ROBO2: variants seen among roughly 807,000 people sequenced by gnomAD.
ROBO2 encodes roundabout guidance receptor 2.
A neutral mutation model predicts 160.8 loss-of-function variants in ROBO2; 53 were observed. That is an observed-to-expected ratio of 0.33 (90% confidence interval 0.26 to 0.41). The LOEUF (loss-of-function observed/expected upper bound fraction) is 0.41. Ranked by LOEUF, ROBO2 falls within the 10% of genes least tolerant of loss-of-function variation. The pLI, the probability that ROBO2 is intolerant of heterozygous loss-of-function variation, is 1.00. For synonymous variants in ROBO2, 664 were observed against 611.7 expected, an observed-to-expected ratio of 1.09 and a Z score of -1.26; for missense variants, 1,577 against 1,722.4, an observed-to-expected ratio of 0.92 and a Z score of 1.49.
intron 23 of ROBO2, among the ~76,000 whole-genome samples, chr3:77,628,455 G>T (rs867982837): frequency 2.1e-5 from 3 of 144,112 alleles, no homozygotes; most frequent in Non-Finnish European, 3.1e-5. Flanking sequence ...TGTGGGGGGG[G>T]GGTAATTGTT....
chr3:76,073,332 C>T (rs1296031421), intron 2 of ROBO2, among the ~76,000 whole-genome samples: 17 of 105,620 alleles, frequency 1.6e-4, no homozygotes, highest in Non-Finnish European at 2.4e-4. Context: ...CTCGCTCTGT[C>T]ACCCAGGCTG....
intron 2 of ROBO2, among the ~76,000 whole-genome samples, chr3:77,027,879 A>G (rs1444938680): frequency 6.6e-6 from 1 of 152,176 alleles, no homozygotes; most frequent in African/African-American, 2.4e-5. Flanking sequence ...CATACAAGAC[A>G]AAAGTGAAGC....
chr3:77,223,049 A>G lies in ROBO2; in HGVS notation c.388+124709A>G, dbSNP rs58489954. Among the ~76,000 whole-genome samples, 1,100 of 152,294 alleles carry G rather than the reference A, an allele frequency of 7.2e-3. 13 individuals are homozygous for G. Among genetic ancestry groups the G allele is most frequent in the African/African-American group, 0.024 (1,008 of 41,554 alleles). The stretch of plus-strand genomic sequence containing the variant: ...ATGAGTTTCAAGATCACTGAGGTGT[A>G]CAGTATTCCGAAGCCTTCACTTTCC... On this transcript the variant is annotated intron_variant, in intron 2 of 25. Coordinates refer to ENST00000461745, the Ensembl canonical transcript of ROBO2.
intron 2 of ROBO2, among the ~76,000 whole-genome samples, chr3:77,149,624 A>G (rs1211392482): frequency 6.6e-6 from 1 of 152,178 alleles, no homozygotes; most frequent in African/African-American, 2.4e-5. Flanking sequence ...CATCACTCTC[A>G]TCCAACTCAC....
chr3:76,889,447 A>G (rs2074169400), intron 2 of ROBO2, among the ~76,000 whole-genome samples: 1 of 152,214 alleles, frequency 6.6e-6, no homozygotes. Flanking sequence ...AGTAAGGGAA[A>G]TAAAATGATA....
At chr3:77,431,123 A>C (rs1354132921) in intron 2 of ROBO2, among the ~76,000 whole-genome samples, 1 of 152,254 alleles carries the variant, frequency 6.6e-6, no homozygotes, top group African/African-American at 2.4e-5. Context: ...CAGACTCACA[A>C]AGTAACTGAG....
intron 2 of ROBO2, among the ~76,000 whole-genome samples, chr3:76,192,822 C>G (rs72630370): frequency 0.046 from 6,989 of 152,210 alleles, 347 homozygotes; most frequent in East Asian, 0.22. Flanking sequence ...TACAGCTTTA[C>G]TCTTCTTTCC....
intron 2 of ROBO2, among the ~76,000 whole-genome samples, chr3:77,150,594 T>A (rs2077470902): frequency 6.6e-6 from 1 of 151,480 alleles, no homozygotes; most frequent in Admixed American, 6.6e-5. Flanking sequence ...GGTAAACTAT[T>A]TTTTTTTCCC....
intron 2 of ROBO2, among the ~76,000 whole-genome samples, chr3:76,113,256 A>T (rs150788055): frequency 3.8e-4 from 58 of 152,292 alleles, no homozygotes; most frequent in African/African-American, 1.3e-3. Context: ...ACAGAGGCCC[A>T]AAGCAGCTGA....
intron 2 of ROBO2, among the ~76,000 whole-genome samples, chr3:76,613,438 C>T (rs1004207812): frequency 2.0e-5 from 3 of 152,086 alleles, no homozygotes; most frequent in Non-Finnish European, 4.4e-5. Flanking sequence ...GAAGCCTATT[C>T]TGATCCTTTT....
chr3:77,192,161 A>T (rs1218315768), intron 2 of ROBO2, among the ~76,000 whole-genome samples: 1 of 152,212 alleles, frequency 6.6e-6, no homozygotes, highest in Non-Finnish European at 1.5e-5. Context: ...ATTAAAAGAC[A>T]GTTCAAAAAT....
At position 76,823,956 on chromosome 3, in the gene ROBO2, T is replaced by C. The variant is rs529368312; in HGVS notation, c.110-274058T>C. 2.0e-5 allele frequency among the ~76,000 whole-genome samples: 3 copies of C among 152,264 alleles called. No homozygotes were observed. The South Asian group carries it at 6.2e-4, about 32-fold the overall frequency. ...ACAAAATGACAGTGGCTTAAAACTGTAAAAGTTTGCTTGTAAAACAGGTCG... is the reference window on the plus strand; with the variant it reads ...ACAAAATGACAGTGGCTTAAAACTGCAAAAGTTTGCTTGTAAAACAGGTCG... On this transcript the variant is annotated intron_variant, in intron 2 of 26. Transcript: ENST00000487694.
At chr3:76,108,194 C>T (rs766269753) in intron 2 of ROBO2, among the ~76,000 whole-genome samples, 6 of 152,004 alleles carry the variant, frequency 3.9e-5, no homozygotes, top group African/African-American at 7.2e-5. Flanking sequence ...CATCTTCCTG[C>T]GTATGAGTTT....
At chr3:76,626,796 C>T (rs918224137) in intron 2 of ROBO2, among the ~76,000 whole-genome samples, 4 of 151,976 alleles carry the variant, frequency 2.6e-5, no homozygotes, top group African/African-American at 9.7e-5. Flanking sequence ...GGGTTCACGT[C>T]ATTCTCCTGC....
chr3:76,113,299 A>G (rs2070319413), intron 2 of ROBO2, among the ~76,000 whole-genome samples: 1 of 152,132 alleles, frequency 6.6e-6, no homozygotes, highest in African/African-American at 2.4e-5. Context: ...TTATTTCTAA[A>G]ATAATGGTGG....
At chr3:77,340,881 GA>G (rs2066988941) in intron 2 of ROBO2, among the ~76,000 whole-genome samples, 1 of 152,014 alleles carries the variant, frequency 6.6e-6, no homozygotes, top group Non-Finnish European at 1.5e-5. Flanking sequence ...ATACTAGGCT[GA>G]AAAAAAGTTT....
chr3:76,925,612 G>A (rs1195333047), intron 2 of ROBO2, among the ~76,000 whole-genome samples: 1 of 152,104 alleles, frequency 6.6e-6, no homozygotes, highest in Non-Finnish European at 1.5e-5. Context: ...TTTGATATTT[G>A]CAATGCACTT....
chr3:77,214,326 T>A (rs2084620834), intron 2 of ROBO2, among the ~76,000 whole-genome samples: 1 of 152,316 alleles, frequency 6.6e-6, no homozygotes, highest in East Asian at 1.9e-4. Context: ...CCCTTTCCCA[T>A]TATGTAATGG....
chr3:75,989,384 G>T (rs2065503353), intron 2 of ROBO2, among the ~76,000 whole-genome samples: 1 of 152,116 alleles, frequency 6.6e-6, no homozygotes, highest in Non-Finnish European at 1.5e-5. Context: ...CCAAAGTGCT[G>T]GGATTACAGG....
Sources: allele counts gnomAD v4.1 joint callset (sites outside exome capture counted in the v4.1 genomes callset), GRCh38; gene constraint gnomAD v4.1.1; transcripts MANE v1.5; gene names NCBI Gene and HGNC (gene_info 2026-07-23, HGNC 2026-07-21).